TEAD1: variants seen among roughly 807,000 people sequenced by gnomAD.
TEAD1 encodes the protein TEA domain transcription factor 1.
A neutral mutation model predicts 54.9 loss-of-function variants in TEAD1; 9 were observed. The ratio of observed to expected loss-of-function variants is 0.16; its 90% confidence interval spans 0.10 to 0.29. TEAD1 has a LOEUF of 0.29. Among genes scored for constraint, TEAD1 ranks in the 10% least tolerant of loss-of-function variants. TEAD1 has a pLI of 1.00. For missense variants in TEAD1, 387 were observed against 535.9 expected (o/e 0.72, Z 2.74); for synonymous variants, 200 against 187.8 (o/e 1.07, Z -0.53).
At chr11:12,827,777 G>A (rs1299107463) in intron 3 of TEAD1, among the ~76,000 whole-genome samples, 1 of 152,190 alleles carries the variant, frequency 6.6e-6, no homozygotes, top group Non-Finnish European at 1.5e-5. Flanking sequence ...ATGGGAGAAG[G>A]AGAAAAATCC....
At chr11:12,798,376 C>A (rs1477357466) in intron 3 of TEAD1, among the ~76,000 whole-genome samples, 1 of 152,110 alleles carries the variant, frequency 6.6e-6, no homozygotes, top group Non-Finnish European at 1.5e-5. Flanking sequence ...GTTTTGATTT[C>A]ACTTATATTG....
chr11:12,686,178 T>A (rs1253956350), intron 2 of TEAD1, among the ~76,000 whole-genome samples: 1 of 152,208 alleles, frequency 6.6e-6, no homozygotes, highest in East Asian at 1.9e-4. Context: ...CCAGTTTGGA[T>A]GATAAATTAT....
intron 4 of TEAD1, among the ~76,000 whole-genome samples, chr11:12,863,338 G>T (rs184991851): frequency 6.6e-6 from 1 of 152,162 alleles, no homozygotes; most frequent in Non-Finnish European, 1.5e-5. Flanking sequence ...CAGAGGCAGC[G>T]CATTGTCTGT....
chr11:12,869,485 C>T (rs1261896323), intron 5 of TEAD1, among the ~76,000 whole-genome samples: 2 of 152,104 alleles, frequency 1.3e-5, no homozygotes, highest in Non-Finnish European at 2.9e-5. Context: ...TGTGCCAGAA[C>T]TTTTCAGAAA....
chr11:12,717,826 T>C (rs1233040454), intron 2 of TEAD1, among the ~76,000 whole-genome samples: 1 of 152,230 alleles, frequency 6.6e-6, no homozygotes, highest in Non-Finnish European at 1.5e-5. Flanking sequence ...ACTGCCTGGC[T>C]CCTGGCCCAC....
chr11:12,831,425 AGATGCTCTGCCTT>A (rs1464770603), intron 3 of TEAD1, among the ~76,000 whole-genome samples: 1 of 152,226 alleles, frequency 6.6e-6, no homozygotes, highest in African/African-American at 2.4e-5. Flanking sequence ...CCTTGAGGGC[AGATGCTCTGCCTT>A]ATTGTCTTTG....
chr11:12,736,300 T>C (rs1944529881), intron 2 of TEAD1, among the ~76,000 whole-genome samples: 1 of 152,216 alleles, frequency 6.6e-6, no homozygotes, highest in African/African-American at 2.4e-5. Context: ...GCTTTTTGTT[T>C]TGTTTTGTTT....
At chr11:12,687,388 A>T (rs1026303642) in intron 2 of TEAD1, among the ~76,000 whole-genome samples, 6 of 152,218 alleles carry the variant, frequency 3.9e-5, no homozygotes, top group African/African-American at 1.4e-4. Context: ...CTGACAGGCC[A>T]GGTTCTGTCT....
chr11:12,829,429 T>A, intron 3 of TEAD1, among the ~76,000 whole-genome samples: 1 of 152,206 alleles, frequency 6.6e-6, no homozygotes, highest in East Asian at 1.9e-4. Flanking sequence ...TCGGAGCAAC[T>A]GGTTTCTCCT....
chr11:12,883,576 C>T (rs1448239996), intron 9 of TEAD1, among the ~76,000 whole-genome samples: 3 of 152,190 alleles, frequency 2.0e-5, no homozygotes, highest in African/African-American at 7.2e-5. Context: ...TTCCCAGAGT[C>T]ACACAGTTAA....
intron 2 of TEAD1, among the ~76,000 whole-genome samples, chr11:12,755,161 C>T (rs565391734): frequency 2.6e-5 from 4 of 152,262 alleles, no homozygotes; most frequent in Admixed American, 6.5e-5. Flanking sequence ...CAGGCATTTA[C>T]CTATAGACTT....
chr11:12,940,644 A>T lies in TEAD1; in HGVS notation c.*3422A>T, dbSNP rs1354345155. The T allele has an allele frequency of 3.3e-5, 5 of 152,210 alleles. No homozygotes were observed. Among genetic ancestry groups the T allele is most frequent in the African/African-American group, 1.2e-4 (5 of 41,462 alleles). 9.4% of individuals were successfully genotyped at this position (152,210 alleles called of 1,614,324 possible). A position where few individuals can be genotyped will look rare whatever the true frequency, so the allele number is the denominator to read the frequency against. ...AAGTTGGGAACAGCTGGTCACCATC[A>T]TCCCTTTAATCAACTCACACCTGTT... On this transcript the variant is annotated 3_prime_UTR_variant, in exon 13 of 13. Transcript: ENST00000527636.
intron 4 of TEAD1, among the ~76,000 whole-genome samples, chr11:12,862,713 T>C (rs1187860664): frequency 6.6e-6 from 1 of 152,224 alleles, no homozygotes; most frequent in Non-Finnish European, 1.5e-5. Context: ...GATTATATAT[T>C]AGTCATAATT....
At chr11:12,772,709 C>G (rs1002836509) in intron 3 of TEAD1, among the ~76,000 whole-genome samples, 1 of 152,126 alleles carries the variant, frequency 6.6e-6, no homozygotes, top group African/African-American at 2.4e-5. Flanking sequence ...CATTTCCCCC[C>G]AATATGGTTA....
At chr11:12,675,632 A>G (rs547689934) in intron 2 of TEAD1, 71 bp downstream of exon 2, 2 of 152,232 alleles carry the variant, frequency 1.3e-5, no homozygotes, top group African/African-American at 4.8e-5. Flanking sequence ...AAATCTGGGT[A>G]CACTTCTAGT....
chr11:12,932,995 A>G (rs906819615), intron 12 of TEAD1, among the ~76,000 whole-genome samples: 1 of 152,202 alleles, frequency 6.6e-6, no homozygotes, highest in Non-Finnish European at 1.5e-5. Flanking sequence ...AACATGCTAT[A>G]CAGATTTGTA....
chr11:12,906,198 A>T (rs1948515275), intron 10 of TEAD1, among the ~76,000 whole-genome samples: 1 of 152,188 alleles, frequency 6.6e-6, no homozygotes, highest in African/African-American at 2.4e-5. Flanking sequence ...ATCTTTCTAA[A>T]GAGCCTTATT....
At chr11:12,700,347 C>A (rs778671906) in intron 2 of TEAD1, among the ~76,000 whole-genome samples, 1 of 152,146 alleles carries the variant, frequency 6.6e-6, no homozygotes, top group Admixed American at 6.6e-5. Flanking sequence ...TCCATTTAAA[C>A]CCTTTTGTTT....
chr11:12,819,153 T>G (rs759708800), intron 3 of TEAD1, among the ~76,000 whole-genome samples: 3 of 152,172 alleles, frequency 2.0e-5, no homozygotes, highest in Non-Finnish European at 2.9e-5. Context: ...GACAGTGGGT[T>G]ATGGAATATG....
Sources: allele counts gnomAD v4.1 joint callset (sites outside exome capture counted in the v4.1 genomes callset), GRCh38; gene constraint gnomAD v4.1.1; transcripts MANE v1.5; gene names NCBI Gene and HGNC (gene_info 2026-07-23, HGNC 2026-07-21).